Variants in CA4 observed in about 807,000 individuals in gnomAD.
CA4 encodes carbonic anhydrase 4.
A neutral mutation model predicts 34.5 loss-of-function variants in CA4; 24 were observed. That is an observed-to-expected ratio of 0.70 (90% CI 0.50 to 0.98). The LOEUF (loss-of-function observed/expected upper bound fraction) is 0.98, where lower values mean the gene tolerates loss of function less well. CA4 is among the 50% of genes least tolerant of loss of function. The pLI, the probability that CA4 is intolerant of heterozygous loss-of-function variation, is 0.00. For missense variants in CA4, 394 were observed against 396.7 expected (o/e 0.99, Z 0.06); for synonymous variants, 178 against 170.6 (o/e 1.04, Z -0.34).
At chr17:60,162,522 G>T (rs345183), downstream of CA4, among the ~76,000 whole-genome samples, 29,798 of 150,134 alleles carry the variant, frequency 0.2, 6,800 homozygotes, top group African/African-American at 0.56. Flanking sequence ...TCATTTCTGA[G>T]GCCCCGTGGG....
intron 7 of CA4, chr17:60,158,717 G>A (rs2083742130): frequency 3.7e-6 from 2 of 536,582 alleles, no homozygotes; most frequent in Admixed American, 6.3e-5. Context: ...TGGGGAGACA[G>A]CAGTGAGCCC....
intron 1 of CA4, among the ~76,000 whole-genome samples, chr17:60,152,129 C>T (rs992850732): frequency 2.0e-5 from 3 of 152,130 alleles, no homozygotes; most frequent in Admixed American, 6.5e-5. Flanking sequence ...TCTCTAACCT[C>T]TGGTCAGGGT....
At chr17:60,166,263 C>T (rs1248992765) in intron 5 of CA4, among the ~76,000 whole-genome samples, 1 of 152,190 alleles carries the variant, frequency 6.6e-6, no homozygotes, top group African/African-American at 2.4e-5. Context: ...CACCTGCCAC[C>T]ATGCCGGGCT....
chr17:60,157,466 G>A lies in CA4; in HGVS notation c.308G>A (p.Gly103Glu), dbSNP rs1283856720. The change falls in exon 4 of 8, where the codon GGA (glycine) becomes GAA (glutamate). Residue 103 changes from glycine (G) to glutamate (E), a missense_variant. By Grantham distance (98) the Gly-to-Glu change is moderately conservative (BLOSUM62 -2). Coordinates refer to ENST00000300900, the MANE Select transcript of CA4 (RefSeq NM_000717.5). ...LLENKASISG[G>E]GLPAPYQAKQ... ...GAGAACAAGGCCAGCATTTCTGGAGGAGGACTGCCTGCCCCATACCAGGCC... is the reference window on the plus strand; with the variant it reads ...GAGAACAAGGCCAGCATTTCTGGAGAAGGACTGCCTGCCCCATACCAGGCC... 3 of 1,614,190 alleles carry A rather than the reference G, an allele frequency of 1.9e-6. No homozygotes were observed. Among genetic ancestry groups the A allele is most frequent in the East Asian group, 4.5e-5 (2 of 44,884 alleles).
chr17:60,158,753 A>G (rs1286121970), intron 7 of CA4: 2 of 478,334 alleles, frequency 4.2e-6, no homozygotes, highest in Non-Finnish European at 7.7e-6. Context: ...CTACCCTTGC[A>G]CTGCTTTCAT....
At chr17:60,150,185 C>A in intron 1 of CA4, 93 bp downstream of exon 1, 1 of 1,050,390 alleles carries the variant, frequency 9.5e-7, no homozygotes, top group African/African-American at 1.6e-5. Context: ...CGCGGGCGAC[C>A]GGTGAGCGTC....
downstream of CA4, among the ~76,000 whole-genome samples, chr17:60,175,634 A>G (rs1476077576): frequency 7.7e-6 from 1 of 129,748 alleles, no homozygotes; most frequent in Non-Finnish European, 1.6e-5. Context: ...GCGCCACTGC[A>G]CTCCAGCCTG....
chr17:60,154,564 G>A (rs1597988776), intron 1 of CA4, among the ~76,000 whole-genome samples: 1 of 152,242 alleles, frequency 6.6e-6, no homozygotes, highest in African/African-American at 2.4e-5. Context: ...AGGAAGTACA[G>A]AGGGTTCCCA....
At chr17:60,150,867 C>G (rs171104) in intron 1 of CA4, among the ~76,000 whole-genome samples, 3,927 of 151,294 alleles carry the variant, frequency 0.026, 159 homozygotes, top group African/African-American at 0.084. Flanking sequence ...GGTTCCTTGC[C>G]CCTGAGGGTC....
intron 5 of CA4, among the ~76,000 whole-genome samples, chr17:60,168,086 T>C (rs781660614): frequency 1.3e-4 from 20 of 151,576 alleles, no homozygotes; most frequent in Non-Finnish European, 2.4e-4. Flanking sequence ...GATGTAGAGA[T>C]GTAGGGGAGG....
In CA4 at chr17:60,153,710, C is replaced by A. The variant is rs575686962; in HGVS notation, c.59-1604C>A. ...CTGTGGAGACTGAGCAAAGGCAGAG[C>A]GGGAGCTGGAGGCTTCGGAGCTCTG... is the stretch of plus-strand genomic sequence containing the variant. On this transcript the variant is annotated intron_variant, in intron 1 of 7. Transcript: ENST00000300900. Among the ~76,000 whole-genome samples, 20 of 152,288 alleles carry A rather than the reference C, an allele frequency of 1.3e-4. No homozygotes were observed. In the East Asian group the frequency reaches 2.3e-3, roughly 18 times the overall value.
At chr17:60,177,623 A>C in the CA4 span, among the ~76,000 whole-genome samples, 2 of 152,244 alleles carry the variant, frequency 1.3e-5, no homozygotes, top group Non-Finnish European at 2.9e-5. Context: ...TATATACTGA[A>C]AATCTTGAAA....
the CA4 span, among the ~76,000 whole-genome samples, chr17:60,178,943 T>A: frequency 6.6e-6 from 1 of 152,256 alleles, no homozygotes; most frequent in African/African-American, 2.4e-5. Flanking sequence ...CACTACATAT[T>A]TGTTCATATC....
intron 3 of CA4, 97 bp downstream of exon 3, chr17:60,156,812 C>A: frequency 8.8e-7 from 1 of 1,134,726 alleles, no homozygotes; most frequent in South Asian, 1.2e-5. Context: ...CAGACCCAGG[C>A]CCATCTGTGC....
At chr17:60,157,903 CCT>C in intron 5 of CA4, 115 bp downstream of exon 5, 2 of 1,522,190 alleles carry the variant, frequency 1.3e-6, no homozygotes, top group East Asian at 2.4e-5. Context: ...CCAACTTCCG[CCT>C]CTGTTTCTGG....
At chr17:60,158,163 G>A (rs768666298) in intron 6 of CA4, 36 bp downstream of exon 6, 314 of 1,611,750 alleles carry the variant, frequency 1.9e-4, no homozygotes, top group Middle Eastern at 3.3e-4. Flanking sequence ...TTGGGGTGAG[G>A]GGGGGGATTC....
chr17:60,171,636 A>T (rs2083911350), downstream of CA4, among the ~76,000 whole-genome samples: 1 of 152,180 alleles, frequency 6.6e-6, no homozygotes, highest in South Asian at 2.1e-4. Flanking sequence ...CTGAATGCTT[A>T]GAGGTGACAG....
At chr17:60,155,523 ACTCTCT>A (rs1216768588) in intron 2 of CA4, among the ~76,000 whole-genome samples, 156 bp downstream of exon 2, 165 of 146,394 alleles carry the variant, frequency 1.1e-3, no homozygotes, top group Admixed American at 2.9e-3. Flanking sequence ...ACACACACAC[ACTCTCT>A]CTCTCTCTCT....
chr17:60,159,901 A>G (rs1355650356), downstream of CA4, among the ~76,000 whole-genome samples: 1 of 152,208 alleles, frequency 6.6e-6, no homozygotes, highest in Non-Finnish European at 1.5e-5. Context: ...GCACGTTGCG[A>G]GGCAGAGGCA....
Sources: gnomAD v4.1 joint callset for allele counts (sites outside exome capture counted in the v4.1 genomes callset) on GRCh38, gnomAD v4.1.1 for gene constraint, MANE v1.5 for transcripts, NCBI Gene and HGNC (gene_info 2026-07-23, HGNC 2026-07-21) for gene names.